CADM2: variants seen among roughly 807,000 people sequenced by gnomAD.
CADM2 encodes immunoglobulin superfamily member 4D.
A neutral mutation model predicts 49.8 loss-of-function variants in CADM2; 12 were observed. That is an observed-to-expected ratio of 0.24 (90% CI 0.15 to 0.39). The LOEUF is 0.39. CADM2 is among the 10% of genes least tolerant of loss of function. CADM2 has a pLI of 1.00. For synonymous variants in CADM2, 214 were observed against 175.4 expected, an observed-to-expected ratio of 1.22 and a Z score of -1.74; for missense variants, 378 against 492.3, an observed-to-expected ratio of 0.77 and a Z score of 2.20.
intron 1 of CADM2, among the ~76,000 whole-genome samples, chr3:85,112,991 A>G (rs985055727): frequency 3.3e-5 from 5 of 152,014 alleles, no homozygotes; most frequent in African/African-American, 9.7e-5. Context: ...TATAAATTAT[A>G]CACTTCTGGA....
chr3:85,023,242 T>A (rs909762274), intron 1 of CADM2, among the ~76,000 whole-genome samples: 1 of 152,130 alleles, frequency 6.6e-6, no homozygotes, highest in Non-Finnish European at 1.5e-5. Flanking sequence ...TTGTTGTTTT[T>A]GTTCTGTTTG....
chr3:84,976,508 GTTATT>G (rs2031829732), intron 1 of CADM2, among the ~76,000 whole-genome samples: 1 of 151,240 alleles, frequency 6.6e-6, no homozygotes, highest in Non-Finnish European at 1.5e-5. Context: ...AAATCTATTG[GTTATT>G]TTATTAAGTA....
intron 1 of CADM2, among the ~76,000 whole-genome samples, chr3:85,024,181 G>T (rs1316204985): frequency 6.6e-6 from 1 of 152,084 alleles, no homozygotes; most frequent in African/African-American, 2.4e-5. Context: ...TATCTCGCAA[G>T]TTATCAGCCA....
At chr3:85,390,947 G>A (rs1445164567) in intron 1 of CADM2, among the ~76,000 whole-genome samples, 2 of 151,988 alleles carry the variant, frequency 1.3e-5, no homozygotes, top group Non-Finnish European at 2.9e-5. Context: ...GTAGGAAGAA[G>A]GTGAAGAAAG....
chr3:85,540,147 C>T (rs1469710049), intron 1 of CADM2, among the ~76,000 whole-genome samples: 1 of 152,006 alleles, frequency 6.6e-6, no homozygotes, highest in African/African-American at 2.4e-5. Context: ...ATCATAAAAG[C>T]CAAATGAAAT....
At chr3:85,235,692 G>A (rs2042392752) in intron 1 of CADM2, among the ~76,000 whole-genome samples, 1 of 151,966 alleles carries the variant, frequency 6.6e-6, no homozygotes, top group Non-Finnish European at 1.5e-5. Context: ...GTATTTTGAA[G>A]TGTCGTCTCC....
At chr3:85,888,776 A>C (rs2108409337) in intron 5 of CADM2, among the ~76,000 whole-genome samples, 1 of 152,280 alleles carries the variant, frequency 6.6e-6, no homozygotes, top group South Asian at 2.1e-4. Flanking sequence ...TATTCACTGT[A>C]GTTGCTGTTT....
rs913175808 is a variant in CADM2, at chr3:85,964,475, T to G, written c.970+2828T>G. On this transcript the variant is annotated intron_variant, in intron 8 of 9. Transcript: ENST00000383699. Reference sequence around the variant, plus strand: ...TTTGGGTGTCAGTGCATTATTTAAGTGCACTATTAAGCATTATTAAGCATT... The same window carrying G: ...TTTGGGTGTCAGTGCATTATTTAAGGGCACTATTAAGCATTATTAAGCATT... Among the ~76,000 whole-genome samples the G allele has an allele frequency of 4.6e-5, 7 of 151,794 alleles. No individual in the cohort carries two copies. In the East Asian group the frequency reaches 1.4e-3, roughly 30 times the overall value.
intron 1 of CADM2, among the ~76,000 whole-genome samples, chr3:85,087,871 CA>C (rs1407812563): frequency 6.6e-6 from 1 of 152,088 alleles, no homozygotes; most frequent in Non-Finnish European, 1.5e-5. Flanking sequence ...CAGTTTTTTC[CA>C]AAGTTCCCTT....
intron 3 of CADM2, among the ~76,000 whole-genome samples, chr3:85,864,701 T>G (rs1239026205): frequency 6.6e-6 from 1 of 152,254 alleles, no homozygotes; most frequent in Admixed American, 6.5e-5. Flanking sequence ...TTGACCTTTT[T>G]AAATTTGTTT....
At chr3:85,861,103 C>G (rs935441742) in intron 3 of CADM2, among the ~76,000 whole-genome samples, 2 of 152,094 alleles carry the variant, frequency 1.3e-5, no homozygotes, top group African/African-American at 4.8e-5. Context: ...TTGAAAGTGT[C>G]TGAGCATAAG....
At chr3:85,328,437 T>G (rs2044815036) in intron 1 of CADM2, among the ~76,000 whole-genome samples, 1 of 152,216 alleles carries the variant, frequency 6.6e-6, no homozygotes, top group Non-Finnish European at 1.5e-5. Flanking sequence ...GCCAACATGC[T>G]TCATCTTTGC....
chr3:85,884,680 T>C (rs1713298141), intron 4 of CADM2, among the ~76,000 whole-genome samples: 1 of 151,958 alleles, frequency 6.6e-6, no homozygotes, highest in African/African-American at 2.4e-5. Flanking sequence ...TTGTTCCTGT[T>C]GTTTAATTTG....
chr3:85,207,426 A>C (rs1026735970), intron 1 of CADM2, among the ~76,000 whole-genome samples: 8 of 152,022 alleles, frequency 5.3e-5, no homozygotes, highest in African/African-American at 1.7e-4. Flanking sequence ...TTTAAGTAAA[A>C]CGTTATATTT....
intron 8 of CADM2, among the ~76,000 whole-genome samples, chr3:85,985,455 G>A (rs1033182442): frequency 6.6e-6 from 1 of 151,954 alleles, no homozygotes; most frequent in African/African-American, 2.4e-5. Flanking sequence ...TGGTCCAACA[G>A]ACCACAGCAC....
At chr3:86,014,455 C>T in intron 8 of CADM2, 2 of 1,496,452 alleles carry the variant, frequency 1.3e-6, no homozygotes, top group Non-Finnish European at 1.8e-6. Context: ...GAGGAAGCCA[C>T]AAATTTGGTA....
chr3:85,020,628 T>C (rs1462973556), intron 1 of CADM2, among the ~76,000 whole-genome samples: 1 of 152,172 alleles, frequency 6.6e-6, no homozygotes, highest in Non-Finnish European at 1.5e-5. Context: ...CATTTCTCAA[T>C]AATTGTTTAA....
chr3:85,254,646 G>A (rs570792499), intron 1 of CADM2, among the ~76,000 whole-genome samples: 4 of 152,016 alleles, frequency 2.6e-5, no homozygotes, highest in Admixed American at 2.0e-4. Context: ...ACAAATCTTC[G>A]TTCATGAATG....
At chr3:85,903,165 T>C (rs1312856391) in intron 5 of CADM2, among the ~76,000 whole-genome samples, 2 of 152,156 alleles carry the variant, frequency 1.3e-5, no homozygotes, top group Non-Finnish European at 2.9e-5. Flanking sequence ...AATACAATGA[T>C]AAATAATTGT....
Sources: allele counts gnomAD v4.1 joint callset (sites outside exome capture counted in the v4.1 genomes callset), GRCh38; gene constraint gnomAD v4.1.1; transcripts MANE v1.5; gene names NCBI Gene and HGNC (gene_info 2026-07-23, HGNC 2026-07-21).